DOC2B: variants seen among roughly 807,000 people sequenced by gnomAD.
The protein encoded by DOC2B is double C2-like domain-containing protein beta.
In DOC2B, 21 loss-of-function variants were observed where a neutral mutation model predicts 28.9. The observed-to-expected ratio is 0.73, with a 90% CI of 0.52 to 1.05. The LOEUF (loss-of-function observed/expected upper bound fraction) is 1.05. Among genes scored for constraint, DOC2B ranks in the 50% least tolerant of loss-of-function variants. The pLI is 0.00. For synonymous variants in DOC2B, 194 were observed against 178.1 expected (o/e 1.09, Z -0.71); for missense variants, 384 against 421.1 (o/e 0.91, Z 0.77).
intron 5 of DOC2B, among the ~76,000 whole-genome samples, chr17:158,275 C>A (rs1376681614): frequency 1.3e-5 from 2 of 152,184 alleles, no homozygotes; most frequent in African/African-American, 4.8e-5. Flanking sequence ...CCCCCCCAGA[C>A]AAACCCAGCT....
Position 143,504 on chromosome 17 carries a change from T to C in DOC2B, c.*3937A>G, listed in dbSNP as rs2039998327. 6.6e-6 allele frequency: 1 copy of C among 151,918 alleles called. No homozygotes were observed. The highest frequency in any genetic ancestry group is 1.5e-5 in the Non-Finnish European group (1 of 68,000). The allele number at this position is 151,918 out of a possible 1,614,324, so 9.4% of individuals were successfully genotyped here. A position where few individuals can be genotyped will look rare whatever the true frequency, so the allele number is the denominator to read the frequency against. ...GTGTGTGCCACCACGCTAGGCTAAT[T>C]GTCATTGTGTGTGTCTCTGTGTGTG... On this transcript the variant is annotated 3_prime_UTR_variant, in exon 9 of 9. Coordinates refer to ENST00000613549, the MANE Select transcript of DOC2B (RefSeq NM_003585.5).
intron 1 of DOC2B, among the ~76,000 whole-genome samples, chr17:174,036 C>T (rs1025849038): frequency 3.9e-4 from 59 of 152,132 alleles, no homozygotes; most frequent in Admixed American, 3.6e-3. Flanking sequence ...GATCTCTGGG[C>T]GAGTGCTGGG....
chr17:178,543 G>C (rs2040395127), intron 1 of DOC2B, among the ~76,000 whole-genome samples: 1 of 152,214 alleles, frequency 6.6e-6, no homozygotes, highest in Non-Finnish European at 1.5e-5. Context: ...ACGCCACAGA[G>C]GCCACCCTAG....
In DOC2B at chr17:143,878, G is replaced by A. The variant is rs2040000591; in HGVS notation, c.*3563C>T. 1.3e-5 allele frequency: 2 copies of A among 152,228 alleles called. No homozygotes were observed. Among genetic ancestry groups the A allele is most frequent in the African/African-American group, 4.8e-5 (2 of 41,450 alleles). The allele number at this position is 152,228 out of a possible 1,614,324, so 9.4% of individuals were successfully genotyped here. A position where few individuals can be genotyped will look rare whatever the true frequency, so the allele number is the denominator to read the frequency against. ...AAACGGGGTTAAGCAGTGCACGAGA[G>A]TCTGCGTCGACGACAGCCAGAGTCC... On this transcript the variant is annotated 3_prime_UTR_variant, in exon 9 of 9. Transcript: ENST00000613549.
rs908502259 is a variant in DOC2B, at chr17:146,524, A to G, written c.*917T>C. ...ATCACGTCCCCCACCTCCTGCCTCGAGCCTCACACCTTCCTAACAAACCCT... is the reference window on the plus strand; with the variant it reads ...ATCACGTCCCCCACCTCCTGCCTCGGGCCTCACACCTTCCTAACAAACCCT... On this transcript the variant is annotated 3_prime_UTR_variant, in exon 9 of 9. Coordinates refer to ENST00000613549, the MANE Select transcript of DOC2B (RefSeq NM_003585.5). 6.6e-5 allele frequency: 10 copies of G among 152,122 alleles called. No homozygotes were observed. The East Asian group carries it at 2.0e-3, about 30-fold the overall frequency. 9.4% of individuals were successfully genotyped at this position (152,122 alleles called of 1,614,324 possible). A position where few individuals can be genotyped will look rare whatever the true frequency, so the allele number is the denominator to read the frequency against.
chr17:155,394 TCCCTG>T (rs1555522299), intron 6 of DOC2B, among the ~76,000 whole-genome samples: 1 of 152,148 alleles, frequency 6.6e-6, no homozygotes, highest in Non-Finnish European at 1.5e-5. Flanking sequence ...TGCCAAGATG[TCCCTG>T]AGGCCTTAGT....
At chr17:157,874 C>A (rs1258003657) in intron 5 of DOC2B, among the ~76,000 whole-genome samples, 2 of 152,232 alleles carry the variant, frequency 1.3e-5, no homozygotes, top group Non-Finnish European at 2.9e-5. Flanking sequence ...CTCATACAAG[C>A]AACTCCAGCC....
intron 2 of DOC2B, among the ~76,000 whole-genome samples, chr17:170,620 C>G (rs1201028545): frequency 6.6e-6 from 1 of 152,200 alleles, no homozygotes; most frequent in Non-Finnish European, 1.5e-5. Flanking sequence ...ACTGGCCATG[C>G]AGGCCCTTAC....
intron 1 of DOC2B, among the ~76,000 whole-genome samples, chr17:174,786 G>C (rs921514914): frequency 6.6e-6 from 1 of 152,210 alleles, no homozygotes; most frequent in African/African-American, 2.4e-5. Context: ...ATGAGACCAG[G>C]TGATGATACT....
At chr17:156,111 C>T in intron 6 of DOC2B, 109 bp downstream of exon 6, 3 of 1,285,932 alleles carry the variant, frequency 2.3e-6, no homozygotes, top group South Asian at 1.5e-5. Context: ...CGCCCCTGTA[C>T]CTCAGGCACT....
At position 181,309 on chromosome 17, in the gene DOC2B, G is replaced by A. The variant is rs1314944126; in HGVS notation, c.171C>T (p.Asp57=). ...DAGPRAAAPP[D]APARPAVAGA... is the part of the protein sequence containing the mutation. ...CGGCCACAGCCGGGCGCGCGGGGGCGTCCGGGGGTGCAGCGGCTCGGGGCC... is the reference window on the plus strand; with the variant it reads ...CGGCCACAGCCGGGCGCGCGGGGGCATCCGGGGGTGCAGCGGCTCGGGGCC... The change falls in exon 1 of 9, where the codon GAC becomes GAT. Residue 57 remains aspartate (D), a synonymous_variant. Coordinates refer to ENST00000613549, the MANE Select transcript of DOC2B (RefSeq NM_003585.5). This position sits in a 1 kb window ranked among gnomAD's most constrained non-coding sequence, Gnocchi z 7.0. The A allele has an allele frequency of 8.5e-7, 1 of 1,176,968 alleles. No homozygotes were observed. 72.9% of individuals were successfully genotyped at this position (1,176,968 alleles called of 1,614,324 possible).
At position 178,392 on chromosome 17, in the gene DOC2B, G is replaced by A. The variant is rs146377138; in HGVS notation, c.373+2715C>T. On this transcript the variant is annotated intron_variant, in intron 1 of 8. Coordinates refer to ENST00000613549, the MANE Select transcript of DOC2B (RefSeq NM_003585.5). ...TTAAGCCACTCTGAGTTGGTTATCTGTCACTTGCAACCCATGGCACTCTAG... is the reference window on the plus strand; with the variant it reads ...TTAAGCCACTCTGAGTTGGTTATCTATCACTTGCAACCCATGGCACTCTAG... Among the ~76,000 whole-genome samples the A allele has an allele frequency of 4.6e-5, 7 of 152,390 alleles. No individual in the cohort carries two copies. The East Asian group carries it at 1.3e-3, about 29-fold the overall frequency.
At chr17:160,628 G>C (rs2040190307) in intron 5 of DOC2B, among the ~76,000 whole-genome samples, 1 of 152,174 alleles carries the variant, frequency 6.6e-6, no homozygotes, top group Non-Finnish European at 1.5e-5. Context: ...AACGCTGGGA[G>C]GCTGAGGCCC....
chr17:165,132 G>C (rs2040247433), intron 2 of DOC2B, among the ~76,000 whole-genome samples: 1 of 152,286 alleles, frequency 6.6e-6, no homozygotes, highest in East Asian at 1.9e-4. Flanking sequence ...GGCCTGGCTG[G>C]CTTGGGCTCC....
At chr17:170,889 GGCCGGGCCAGGCTGCAGAGGGCAGC>G in intron 2 of DOC2B, among the ~76,000 whole-genome samples, 1 of 23,750 alleles carries the variant, frequency 4.2e-5, no homozygotes, top group African/African-American at 1.2e-4. Context: ...GAGCACCAGG[GGCCGGGCCAGGCTGCAGAGGGCAGC>G]ACCAGGGGCC....
intron 2 of DOC2B, 69 bp from the exon 3 acceptor site, chr17:164,273 C>G: frequency 8.1e-7 from 1 of 1,241,192 alleles, no homozygotes; most frequent in Non-Finnish European, 1.2e-6. Context: ...CCTGCAGATG[C>G]CCTTGTCCCC....
At chr17:151,780 A>C (rs978755942) in intron 6 of DOC2B, among the ~76,000 whole-genome samples, 1 of 152,020 alleles carries the variant, frequency 6.6e-6, no homozygotes, top group Non-Finnish European at 1.5e-5. Flanking sequence ...GGATCTCTGC[A>C]CCCTCAGCCT....
At chr17:154,026 A>G (rs147959869) in intron 6 of DOC2B, among the ~76,000 whole-genome samples, 1 of 152,328 alleles carries the variant, frequency 6.6e-6, no homozygotes, top group African/African-American at 2.4e-5. Flanking sequence ...TCATAGAAAT[A>G]GAGTCCTGCA....
chr17:172,255 C>T (rs2040321128), intron 2 of DOC2B, among the ~76,000 whole-genome samples: 1 of 152,076 alleles, frequency 6.6e-6, no homozygotes, highest in Admixed American at 6.5e-5. Flanking sequence ...TCCCTCTCAG[C>T]AGCCCCTCCC....
Sources: allele counts gnomAD v4.1 joint callset (sites outside exome capture counted in the v4.1 genomes callset), GRCh38; gene constraint gnomAD v4.1.1; non-coding constraint Gnocchi (gnomAD v3.1); transcripts MANE v1.5; gene names NCBI Gene and HGNC (gene_info 2026-07-23, HGNC 2026-07-21).